The following RAB39A variants were observed in gnomAD, a reference collection of about 807,000 sequenced individuals.
RAB39A encodes ras-related protein Rab-39A.
RAB39A carries 17 observed loss-of-function variants against 20.9 expected under a neutral mutation model. The observed-to-expected ratio is 0.81, with a 90% confidence interval of 0.56 to 1.22. The LOEUF (loss-of-function observed/expected upper bound fraction) is 1.22. Ranked by LOEUF, RAB39A falls within the 50% of genes most tolerant of loss-of-function variation. The probability of loss-of-function intolerance (pLI) is 0.00; values close to 1 mark genes in which losing one functional copy is unlikely to be tolerated. For missense variants in RAB39A, 234 were observed against 270.5 expected (o/e 0.87, Z 0.95); for synonymous variants, 99 against 103.4 (o/e 0.96, Z 0.26).
intron 1 of RAB39A, among the ~76,000 whole-genome samples, chr11:107,954,549 G>A (rs1289801078): frequency 6.6e-6 from 1 of 152,170 alleles, no homozygotes; most frequent in Non-Finnish European, 1.5e-5. Flanking sequence ...AGTAAACAGT[G>A]AGATGTAGCA....
intron 1 of RAB39A, among the ~76,000 whole-genome samples, chr11:107,930,368 A>G (rs1294389629): frequency 6.6e-6 from 1 of 152,168 alleles, no homozygotes; most frequent in Admixed American, 6.5e-5. Flanking sequence ...ATTCCTTCAC[A>G]TGTGATCTCA....
intron 1 of RAB39A, among the ~76,000 whole-genome samples, chr11:107,940,965 C>G (rs1016197725): frequency 1.3e-5 from 2 of 151,618 alleles, no homozygotes; most frequent in Non-Finnish European, 2.9e-5. Context: ...GAGCAAGAGT[C>G]CATCTCAGAA....
At position 107,947,981 on chromosome 11, in the gene RAB39A, TAC is replaced by T. The variant is rs58579239; in HGVS notation, c.228-13943_228-13942del. Among the ~76,000 whole-genome samples, 698 of 148,738 alleles carry T rather than the reference TAC, an allele frequency of 4.7e-3. 2 individuals are homozygous for T. Among genetic ancestry groups the T allele is most frequent in the East Asian group, 0.02 (99 of 5,042 alleles). ...GATGAAGATGTGCTATACACACACG[TAC>T]ACACACACACACACACACACAAGTA... is the stretch of plus-strand genomic sequence containing the variant. On this transcript the variant is annotated intron_variant, in intron 1 of 1. Transcript: ENST00000320578.
intron 1 of RAB39A, among the ~76,000 whole-genome samples, chr11:107,954,352 C>T (rs1438158922): frequency 6.6e-6 from 1 of 152,114 alleles, no homozygotes; most frequent in African/African-American, 2.4e-5. Context: ...ATGGCGGGGT[C>T]TTTCGGTGGC....
intron 1 of RAB39A, among the ~76,000 whole-genome samples, chr11:107,947,634 A>T (rs567508521): frequency 6.6e-6 from 1 of 152,182 alleles, no homozygotes; most frequent in South Asian, 2.1e-4. Flanking sequence ...ATTTCGGAGC[A>T]CTGGAACCAC....
intron 1 of RAB39A, among the ~76,000 whole-genome samples, chr11:107,941,260 A>C (rs1219008805): frequency 2.0e-5 from 3 of 152,140 alleles, no homozygotes; most frequent in African/African-American, 7.2e-5. Flanking sequence ...CCCAAGGCAG[A>C]TATGGTGTTT....
chr11:107,962,482 C>A lies in RAB39A; in HGVS notation c.*110C>A. ...GAAAGAATTTAAAAAGGTTACAAAC[C>A]CACACCAATACTATTTTATAAGGTA... On this transcript the variant is annotated 3_prime_UTR_variant, in exon 2 of 2. Transcript: ENST00000320578. 1.0e-6 allele frequency: 1 copy of A among 991,856 alleles called. No individual in the cohort carries two copies. Among genetic ancestry groups the A allele is most frequent in the Non-Finnish European group, 1.5e-6 (1 of 687,118 alleles). The allele number at this position is 991,856 out of a possible 1,614,324, so 61.4% of individuals were successfully genotyped here. A position where few individuals can be genotyped will look rare whatever the true frequency, so the allele number is the denominator to read the frequency against.
chr11:107,942,634 A>G (rs1445959218), intron 1 of RAB39A, among the ~76,000 whole-genome samples: 1 of 152,128 alleles, frequency 6.6e-6, no homozygotes, highest in Non-Finnish European at 1.5e-5. Context: ...CTCATTTCTT[A>G]TATAATTAAT....
rs574685959 is a variant in RAB39A at position 107,958,842 on chromosome 11, G to A, written c.228-3104G>A. Among the ~76,000 whole-genome samples the A allele has an allele frequency of 5.3e-5, 8 of 152,178 alleles. No homozygotes were observed. In the East Asian group the frequency reaches 1.4e-3, roughly 26 times the overall value. ...TTTGAAAAGATAGTATTTCCTGGCC[G>A]GGCGCGGTGGCTCATGCCTGTTATC... On this transcript the variant is annotated intron_variant, in intron 1 of 1. Coordinates refer to ENST00000320578, the MANE Select transcript of RAB39A (RefSeq NM_017516.3).
chr11:107,953,471 A>G (rs1307865405), intron 1 of RAB39A, among the ~76,000 whole-genome samples: 2 of 152,174 alleles, frequency 1.3e-5, no homozygotes, highest in African/African-American at 4.8e-5. Flanking sequence ...GCAGGAAGCC[A>G]GTGTGGTCCC....
At chr11:107,950,740 T>G (rs1861369229) in intron 1 of RAB39A, among the ~76,000 whole-genome samples, 1 of 140,270 alleles carries the variant, frequency 7.1e-6, no homozygotes, top group African/African-American at 2.6e-5. Context: ...CACTCCAGCC[T>G]GGGCGACAGA....
At chr11:107,938,028 C>T (rs1489980581) in intron 1 of RAB39A, among the ~76,000 whole-genome samples, 1 of 152,014 alleles carries the variant, frequency 6.6e-6, no homozygotes, top group Non-Finnish European at 1.5e-5. Context: ...CAGTCACCCC[C>T]AAAGTGTCTA....
chr11:107,932,860 G>A (rs572372692), intron 1 of RAB39A, among the ~76,000 whole-genome samples: 1 of 152,176 alleles, frequency 6.6e-6, no homozygotes, highest in African/African-American at 2.4e-5. Context: ...ACAGGTGTGT[G>A]CCGCCATGCC....
chr11:107,947,203 A>G (rs909785204), intron 1 of RAB39A, among the ~76,000 whole-genome samples: 24 of 151,700 alleles, frequency 1.6e-4, no homozygotes, highest in Non-Finnish European at 3.2e-4. Context: ...CCAGGTTCAC[A>G]CCATTCTCCT....
In RAB39A at chr11:107,962,516, A is replaced by G; in HGVS notation, c.*144A>G. 1 of 763,922 alleles carries G rather than the reference A, an allele frequency of 1.3e-6. No homozygotes were observed. Among genetic ancestry groups the G allele is most frequent in the Non-Finnish European group, 2.0e-6 (1 of 498,958 alleles). The allele number at this position is 763,922 out of a possible 1,614,324, so 47.3% of individuals were successfully genotyped here. A position where few individuals can be genotyped will look rare whatever the true frequency, so the allele number is the denominator to read the frequency against. On this transcript the variant is annotated 3_prime_UTR_variant, in exon 2 of 2. Transcript: ENST00000320578. ...TACTATTTTATAAGGTATTTGATTC[A>G]GAGCATGATGCTTACTTGTTACACT...
chr11:107,937,792 C>T (rs1293507853), intron 1 of RAB39A, among the ~76,000 whole-genome samples: 3 of 152,148 alleles, frequency 2.0e-5, no homozygotes, highest in Non-Finnish European at 4.4e-5. Context: ...AGCTCTCAGT[C>T]TCTGAGCCTC....
chr11:107,940,825 G>A (rs1861251255), intron 1 of RAB39A, among the ~76,000 whole-genome samples: 1 of 151,990 alleles, frequency 6.6e-6, no homozygotes, highest in South Asian at 2.1e-4. Context: ...CAAAAAATTA[G>A]CTGGGTGTGG....
intron 1 of RAB39A, among the ~76,000 whole-genome samples, chr11:107,952,255 T>C (rs563153113): frequency 1.3e-5 from 2 of 152,290 alleles, no homozygotes; most frequent in African/African-American, 4.8e-5. Context: ...GGCTACAACA[T>C]GGATGGACCT....
chr11:107,938,359 CAA>C (rs58613355), intron 1 of RAB39A, among the ~76,000 whole-genome samples: 5 of 63,374 alleles, frequency 7.9e-5, no homozygotes, highest in African/African-American at 1.5e-4. Flanking sequence ...GACTCCGTCT[CAA>C]AAAAAAAAAA....
Sources: gnomAD v4.1 joint callset for allele counts (sites outside exome capture counted in the v4.1 genomes callset) on GRCh38, gnomAD v4.1.1 for gene constraint, MANE v1.5 for transcripts, NCBI Gene and HGNC (gene_info 2026-07-23, HGNC 2026-07-21) for gene names.